MAP3K9: variants seen among roughly 807,000 people sequenced by gnomAD.
MAP3K9 encodes mitogen-activated protein kinase kinase kinase 9.
In MAP3K9, 46 loss-of-function variants were observed where a neutral mutation model predicts 95.8. That is an observed-to-expected ratio of 0.48 (90% confidence interval 0.38 to 0.61). MAP3K9 has a LOEUF of 0.61. Ranked by LOEUF, MAP3K9 falls within the 20% of genes least tolerant of loss-of-function variation. The pLI, the probability that MAP3K9 is intolerant of heterozygous loss-of-function variation, is 0.00. For synonymous variants in MAP3K9, 533 were observed against 593.8 expected, an observed-to-expected ratio of 0.90 and a Z score of 1.49; for missense variants, 1,296 against 1,474.3, an observed-to-expected ratio of 0.88 and a Z score of 1.98.
At chr14:70,795,295 CTCTCTTTTT>C in intron 2 of MAP3K9, among the ~76,000 whole-genome samples, 1 of 151,058 alleles carries the variant, frequency 6.6e-6, no homozygotes, top group East Asian at 2.0e-4. Flanking sequence ...CATGCCCAGC[CTCTCTTTTT>C]CTTTTATTTA....
intron 2 of MAP3K9, chr14:70,783,168 G>A (rs961502578): frequency 1.6e-6 from 1 of 620,580 alleles, no homozygotes; most frequent in East Asian, 1.4e-4. Context: ...ACCTAAAATT[G>A]GCCAGATTCA....
At position 70,732,552 on chromosome 14, in the gene MAP3K9, G is replaced by A. The variant is rs1479516134; in HGVS notation, c.2817C>T (p.Pro939=). The A allele has an allele frequency of 1.3e-6, 2 of 1,577,642 alleles. No homozygotes were observed. The highest frequency in any genetic ancestry group is 1.7e-6 in the Non-Finnish European group (2 of 1,162,374). ...AAGAAGACTCACCTGCTCCAGGACTGGGGCTCAACCCATTGCTGGAGGGGC... is the reference window on the plus strand; with the variant it reads ...AAGAAGACTCACCTGCTCCAGGACTAGGGCTCAACCCATTGCTGGAGGGGC... The part of the protein sequence containing the change: ...SRSPSSNGLS[P]SPGAGMLKTP... Residue 939 remains proline (P), a synonymous_variant, in exon 11 of 12, where the codon CCC becomes CCT. Transcript: ENST00000554752.
rs2055043410 is a variant in MAP3K9 at position 70,809,475 on chromosome 14, T to G, written c.-304A>C. On this transcript the variant is annotated 5_prime_UTR_variant, in exon 1 of 12. Transcript: ENST00000554752. ...CGCCGGTACCTGCTCGCGCAGCCGGTGCCCGCCGCTGCCAGCCGGCCGCCG... is the reference window on the plus strand; with the variant it reads ...CGCCGGTACCTGCTCGCGCAGCCGGGGCCCGCCGCTGCCAGCCGGCCGCCG... 40 of 185,974 alleles carry G rather than the reference T, an allele frequency of 2.2e-4. No individual in the cohort carries two copies. Among genetic ancestry groups the G allele is most frequent in the Non-Finnish European group, 3.3e-4 (30 of 91,020 alleles). The allele number at this position is 185,974 out of a possible 1,614,324, so 11.5% of individuals were successfully genotyped here. A position where few individuals can be genotyped will look rare whatever the true frequency, so the allele number is the denominator to read the frequency against.
chr14:70,797,788 G>T (rs952397995), intron 2 of MAP3K9, among the ~76,000 whole-genome samples: 1 of 152,100 alleles, frequency 6.6e-6, no homozygotes, highest in South Asian at 2.1e-4. Flanking sequence ...CATTGCAATG[G>T]AGTAAGAATG....
At chr14:70,764,288 G>C (rs1477074656) in intron 2 of MAP3K9, among the ~76,000 whole-genome samples, 1 of 150,926 alleles carries the variant, frequency 6.6e-6, no homozygotes, top group Non-Finnish European at 1.5e-5. Context: ...GAGATTAACA[G>C]CTCCAGGTGT....
At chr14:70,740,306 C>G in intron 6 of MAP3K9, 142 bp from the exon 7 acceptor site, 1 of 865,814 alleles carries the variant, frequency 1.2e-6, no homozygotes, top group East Asian at 2.7e-5. Flanking sequence ...GAAATGTTCT[C>G]TTTTAGAATC....
chr14:70,794,284 C>A (rs974072603), intron 2 of MAP3K9, among the ~76,000 whole-genome samples: 1 of 152,236 alleles, frequency 6.6e-6, no homozygotes, highest in Non-Finnish European at 1.5e-5. Flanking sequence ...GTTCACCACT[C>A]ACCTCTGCTC....
Position 70,730,832 on chromosome 14 carries a change from G to A in MAP3K9, c.2863C>T (p.Pro955Ser). ...TCAGGGAGACGGGGGAATTCACCTG[G>A]GTCTCGGCTGGGACTGGGGGTTTTC... ...MLKTPSPSRD[P>S]GEFPRLPDPN... Residue 955 changes from proline to serine, a missense_variant, in exon 12 of 12, where the codon CCA becomes TCA. By Grantham distance (74) the Pro-to-Ser change is moderately conservative (BLOSUM62 -1). Transcript: ENST00000554752. 6.2e-7 allele frequency: 1 copy of A among 1,609,696 alleles called. No homozygotes were observed. Among genetic ancestry groups the A allele is most frequent in the Non-Finnish European group, 8.5e-7 (1 of 1,179,312 alleles).
At chr14:70,802,751 C>G (rs2054944638) in intron 1 of MAP3K9, among the ~76,000 whole-genome samples, 2 of 152,152 alleles carry the variant, frequency 1.3e-5, no homozygotes. Flanking sequence ...TGCCTATTGT[C>G]CAGGCCAGAT....
At chr14:70,756,613 A>T (rs1293660396) in intron 3 of MAP3K9, among the ~76,000 whole-genome samples, 5 of 152,222 alleles carry the variant, frequency 3.3e-5, no homozygotes, top group African/African-American at 1.2e-4. Context: ...CAAATTAAAG[A>T]TAAACTGCGC....
intron 2 of MAP3K9, among the ~76,000 whole-genome samples, chr14:70,780,367 C>T (rs1352248442): frequency 6.6e-6 from 1 of 152,160 alleles, no homozygotes; most frequent in African/African-American, 2.4e-5. Flanking sequence ...ACTCCTTTAA[C>T]CAGCCCCAAC....
In MAP3K9 at chr14:70,728,473, C is replaced by G. The variant is rs1244556210; in HGVS notation, c.*1907G>C. 1 of 152,210 alleles carries G rather than the reference C, an allele frequency of 6.6e-6. No individual in the cohort carries two copies. Among genetic ancestry groups the G allele is most frequent in the Admixed American group, 6.5e-5 (1 of 15,276 alleles). 9.4% of individuals were successfully genotyped at this position (152,210 alleles called of 1,614,324 possible). On this transcript the variant is annotated 3_prime_UTR_variant, in exon 12 of 12. Transcript: ENST00000554752. ...CCCCATCAAGAATGAAGAAGAATCA[C>G]TTGGTTGGCTGGAACTGCTGGTAAG...
chr14:70,787,610 G>A (rs962184021), intron 2 of MAP3K9, among the ~76,000 whole-genome samples: 3 of 152,088 alleles, frequency 2.0e-5, no homozygotes, highest in East Asian at 1.9e-4. Context: ...TGGACAGTCA[G>A]TACCTTCACA....
chr14:70,809,409 C>A lies in MAP3K9; in HGVS notation c.-238G>T. On this transcript the variant is annotated 5_prime_UTR_variant, in exon 1 of 12. The change creates a new upstream start codon in the 5' untranslated region. Coordinates refer to ENST00000554752, the MANE Select transcript of MAP3K9 (RefSeq NM_001284230.2). ...GGGGCGCAGCGGGCCGAGTCCCCGCCTGCCCGCTCGCCCCCCCGGGGGCGG... is the reference window on the plus strand; with the variant it reads ...GGGGCGCAGCGGGCCGAGTCCCCGCATGCCCGCTCGCCCCCCCGGGGGCGG... 1 of 394,388 alleles carries A rather than the reference C, an allele frequency of 2.5e-6. No individual in the cohort carries two copies. 24.4% of individuals were successfully genotyped at this position (394,388 alleles called of 1,614,324 possible).
intron 7 of MAP3K9, 100 bp from the exon 8 acceptor site, chr14:70,738,498 G>C: frequency 9.1e-7 from 1 of 1,103,964 alleles, no homozygotes; most frequent in Non-Finnish European, 1.3e-6. Flanking sequence ...ATTTGGAGCT[G>C]CAGGGAAGTT....
At position 70,748,843 on chromosome 14, in the gene MAP3K9, T is replaced by C. The variant is rs745866425; in HGVS notation, c.1312A>G (p.Arg438Gly). 5 of 1,611,688 alleles carry C rather than the reference T, an allele frequency of 3.1e-6. No individual in the cohort carries two copies. Among genetic ancestry groups the C allele is most frequent in the Non-Finnish European group, 4.2e-6 (5 of 1,179,274 alleles). ...GTTTTGTTTACCTTTTCTTTGGCCC[T>C]GAGTTGGTCAAACATCTCCTGAATC... ...HEIQEMFDQL[R>G]AKEKELRTWE... The change falls in exon 5 of 12, where the codon AGG (arginine) becomes GGG (glycine). Residue 438 changes from arginine to glycine, a missense_variant. By Grantham distance (125) the Arg-to-Gly change is moderately radical. Around this residue, in one of 5 missense-constraint regions of MAP3K9, gnomAD observed 377 missense variants for 417.1 expected, o/e 0.90. Transcript: ENST00000554752.
At chr14:70,797,660 C>G (rs1377586574) in intron 2 of MAP3K9, among the ~76,000 whole-genome samples, 2 of 152,092 alleles carry the variant, frequency 1.3e-5, no homozygotes, top group Admixed American at 1.3e-4. Context: ...ATTACTTGAA[C>G]CTGGGAGGCG....
At position 70,742,374 on chromosome 14, in the gene MAP3K9, C is replaced by T; in HGVS notation, c.1544G>A (p.Gly515Asp). ...FRKSRLKLKD[G>D]NRISLPSDFQ... ...ACCAGAAGGGAGGCTGATGCGGTTGCCATCCTTGAGCTTCAGCCGGCTCTT... is the reference window on the plus strand; with the variant it reads ...ACCAGAAGGGAGGCTGATGCGGTTGTCATCCTTGAGCTTCAGCCGGCTCTT... The change falls in exon 6 of 12, where the codon GGC becomes GAC. Residue 515 changes from glycine to aspartate, a missense_variant. Coordinates refer to ENST00000554752, the MANE Select transcript of MAP3K9 (RefSeq NM_001284230.2). 2 of 1,614,166 alleles carry T rather than the reference C, an allele frequency of 1.2e-6. No individual in the cohort carries two copies. Among genetic ancestry groups the T allele is most frequent in the South Asian group, 2.2e-5 (2 of 91,086 alleles).
intron 9 of MAP3K9, 116 bp from the exon 10 acceptor site, chr14:70,734,614 T>C (rs935411168): frequency 1.7e-5 from 11 of 659,428 alleles, no homozygotes; most frequent in East Asian, 2.5e-5. Context: ...CCAAAGAACC[T>C]TGGAGTACAT....
Sources: allele counts gnomAD v4.1 joint callset (sites outside exome capture counted in the v4.1 genomes callset), GRCh38; gene constraint gnomAD v4.1.1; regional missense constraint gnomAD v4.1.1; transcripts MANE v1.5; gene names NCBI Gene and HGNC (gene_info 2026-07-23, HGNC 2026-07-21).